Variants in NSRP1 observed in about 807,000 individuals in gnomAD.
NSRP1 encodes nuclear speckle splicing regulatory protein 1.
A neutral mutation model predicts 54.7 loss-of-function variants in NSRP1; 24 were observed. The observed-to-expected ratio is 0.44, with a 90% confidence interval of 0.32 to 0.62. The LOEUF (loss-of-function observed/expected upper bound fraction) is 0.62, where lower values mean the gene tolerates loss of function less well. NSRP1 is among the 20% of genes least tolerant of loss of function. The pLI, the probability that NSRP1 is intolerant of heterozygous loss-of-function variation, is 0.06. For synonymous variants in NSRP1, 210 were observed against 213.8 expected (o/e 0.98, Z 0.15); for missense variants, 596 against 651.2 (o/e 0.92, Z 0.92).
chr17:30,121,864 G>A (rs908751127), intron 2 of NSRP1, among the ~76,000 whole-genome samples: 5 of 152,050 alleles, frequency 3.3e-5, no homozygotes, highest in South Asian at 2.1e-4. Context: ...CGCCGCGCCC[G>A]GCCAATTCAC....
At chr17:30,136,857 C>T (rs117143618) in intron 2 of NSRP1, among the ~76,000 whole-genome samples, 1,826 of 152,206 alleles carry the variant, frequency 0.012, 19 homozygotes, top group Non-Finnish European at 0.019. Flanking sequence ...AGTAATTATA[C>T]ACACACACAT....
intron 2 of NSRP1, among the ~76,000 whole-genome samples, chr17:30,157,139 T>C (rs1904338119): frequency 6.6e-6 from 1 of 152,224 alleles, no homozygotes; most frequent in Non-Finnish European, 1.5e-5. Flanking sequence ...TTACTCTGCA[T>C]CCTTGCCAGC....
chr17:30,130,734 G>A (rs776713990), intron 2 of NSRP1, among the ~76,000 whole-genome samples: 6 of 152,128 alleles, frequency 3.9e-5, no homozygotes, highest in Non-Finnish European at 8.8e-5. Context: ...AACTCAATGT[G>A]TCTTGCTGCA....
chr17:30,176,608 C>CG (rs1213333239), intron 3 of NSRP1, among the ~76,000 whole-genome samples: 3 of 98,730 alleles, frequency 3.0e-5, no homozygotes, highest in South Asian at 3.9e-4. Flanking sequence ...AGACTTCGTC[C>CG]CCCCCCCCCC....
Position 30,178,139 on chromosome 17 carries a change from T to G in NSRP1, c.240T>G (p.Asp80Glu). 1 of 1,610,472 alleles carries G rather than the reference T, an allele frequency of 6.2e-7. No homozygotes were observed. The highest frequency in any genetic ancestry group is 2.2e-5 in the East Asian group (1 of 44,738). The change falls in exon 4 of 7, where the codon GAT (aspartate) becomes GAG (glutamate). Residue 80 changes from aspartate (D) to glutamate (E), a missense_variant. Coordinates refer to ENST00000247026, the MANE Select transcript of NSRP1 (RefSeq NM_032141.4). Reference sequence around the variant, plus strand: ...TGTATGAATATGACAGTATTTATGATGAAATGCAGAAAAAAAAGGAGGAAA... The same window carrying G: ...TGTATGAATATGACAGTATTTATGAGGAAATGCAGAAAAAAAAGGAGGAAA... ...ATVYEYDSIYDEMQKKKEENN... is the reference protein window; with the variant it reads ...ATVYEYDSIYEEMQKKKEENN...
rs955723656 is a variant in NSRP1 at position 30,130,555 on chromosome 17, G to C, written c.114+12382G>C. 2.1e-4 allele frequency among the ~76,000 whole-genome samples: 32 copies of C among 151,996 alleles called. 1 individual carries two copies. Among genetic ancestry groups the C allele is most frequent in the Non-Finnish European group, 1.5e-4 (10 of 68,020 alleles). On this transcript the variant is annotated intron_variant, in intron 2 of 6. Transcript: ENST00000247026. ...TTGTCACTTAAATATCTACTTGATT[G>C]GGTGTAATATTTCTACAATAACAAT...
In NSRP1 at chr17:30,179,280, G is replaced by C; in HGVS notation, c.491G>C (p.Arg164Thr). ...GCTGAAGAAGAAGAAAGAGAAAAGA[G>C]GGCTGCTGCACTGGAAGGTAAAATG... ...ERAEEEEREK[R>T]AAALEACLDV... is the part of the protein sequence containing the mutation. Residue 164 changes from arginine (R) to threonine (T), a missense_variant, in exon 5 of 7, where the codon AGG becomes ACG. Arg to Thr is a moderately conservative substitution (Grantham distance 71, BLOSUM62 -1). Coordinates refer to ENST00000247026, the MANE Select transcript of NSRP1 (RefSeq NM_032141.4). The C allele has an allele frequency of 6.3e-7, 1 of 1,581,404 alleles. No homozygotes were observed. Among genetic ancestry groups the C allele is most frequent in the South Asian group, 1.2e-5 (1 of 84,956 alleles).
chr17:30,185,518 A>G lies in NSRP1; in HGVS notation c.1521A>G (p.Gln507=). Residue 507 remains glutamine, a synonymous_variant, in exon 7 of 7, where the codon CAA becomes CAG. Transcript: ENST00000247026. ...AACACAGACTCACAGAGGAAGGGCA[A>G]GAGAAGGGTAAAGAACAAGAGAGAC... is the stretch of plus-strand genomic sequence containing the variant. The part of the protein sequence containing the change: ...GAKHRLTEEG[Q]EKGKEQERPP... 2.5e-6 allele frequency: 4 copies of G among 1,614,196 alleles called. No individual in the cohort carries two copies. The highest frequency in any genetic ancestry group is 3.4e-6 in the Non-Finnish European group (4 of 1,180,036).
At chr17:30,160,011 G>C (rs986085784) in intron 2 of NSRP1, among the ~76,000 whole-genome samples, 5 of 152,044 alleles carry the variant, frequency 3.3e-5, no homozygotes, top group African/African-American at 1.2e-4. Flanking sequence ...TATCATGAAG[G>C]GATGTTGAGT....
chr17:30,169,597 A>T (rs1192413243), intron 2 of NSRP1, among the ~76,000 whole-genome samples: 1 of 152,102 alleles, frequency 6.6e-6, no homozygotes, highest in Non-Finnish European at 1.5e-5. Context: ...AGAAATTTGG[A>T]TTAAATCAGT....
In NSRP1 at chr17:30,178,302, G is replaced by A. The variant is rs1597621720; in HGVS notation, c.300+103G>A. 6.1e-6 allele frequency: 8 copies of A among 1,311,320 alleles called. No individual in the cohort carries two copies. In the East Asian group the frequency reaches 1.9e-4, roughly 32 times the overall value. 81.2% of individuals were successfully genotyped at this position (1,311,320 alleles called of 1,614,324 possible). Reference sequence around the variant, plus strand: ...GATCTGAGAAAAAGCTTTTAGGTATGTGAGGTGTGAAGAGTCCCTAATTCC... The same window carrying A: ...GATCTGAGAAAAAGCTTTTAGGTATATGAGGTGTGAAGAGTCCCTAATTCC... On this transcript the variant is annotated intron_variant, in intron 4 of 6. Transcript: ENST00000247026.
At chr17:30,168,513 T>G (rs1904814766) in intron 2 of NSRP1, among the ~76,000 whole-genome samples, 1 of 150,894 alleles carries the variant, frequency 6.6e-6, no homozygotes, top group Non-Finnish European at 1.5e-5. Flanking sequence ...AATTACATAG[T>G]ATAATTATTA....
intron 2 of NSRP1, among the ~76,000 whole-genome samples, chr17:30,165,217 T>C (rs1023982732): frequency 4.6e-5 from 7 of 152,178 alleles, no homozygotes; most frequent in Admixed American, 3.9e-4. Flanking sequence ...GTGCAAGAAG[T>C]ATTGTGGTGA....
At chr17:30,137,200 A>G (rs1272835794) in intron 2 of NSRP1, among the ~76,000 whole-genome samples, 3 of 152,132 alleles carry the variant, frequency 2.0e-5, no homozygotes, top group African/African-American at 7.2e-5. Flanking sequence ...TCCTTTTTCA[A>G]ATTAAGGGAG....
intron 2 of NSRP1, among the ~76,000 whole-genome samples, chr17:30,167,347 A>G (rs1006408319): frequency 3.3e-5 from 5 of 152,236 alleles, no homozygotes; most frequent in Non-Finnish European, 4.4e-5. Context: ...ACGGTGGCTC[A>G]CATCTGTAAT....
At chr17:30,135,840 A>G (rs1032559191) in intron 2 of NSRP1, among the ~76,000 whole-genome samples, 1 of 152,150 alleles carries the variant, frequency 6.6e-6, no homozygotes, top group African/African-American at 2.4e-5. Context: ...CATATAGGTG[A>G]AATCCCTCTA....
rs754398878 is a variant in NSRP1, at chr17:30,185,413, C to T, written c.1416C>T (p.Ser472=). Reference sequence around the variant, plus strand: ...ATAAATTTCTTGACCAAGAAAGATCCAACAAAATGAGAAACATGGCAAAGG... The same window carrying T: ...ATAAATTTCTTGACCAAGAAAGATCTAACAAAATGAGAAACATGGCAAAGG... The part of the protein sequence containing the change: ...AKDKFLDQER[S]NKMRNMAKDK... Residue 472 remains serine (S), a synonymous_variant, in exon 7 of 7, where the codon TCC becomes TCT. Coordinates refer to ENST00000247026, the MANE Select transcript of NSRP1 (RefSeq NM_032141.4). The T allele has an allele frequency of 3.7e-6, 6 of 1,609,408 alleles. No individual in the cohort carries two copies. Among genetic ancestry groups the T allele is most frequent in the Non-Finnish European group, 4.2e-6 (5 of 1,179,016 alleles).
chr17:30,169,949 A>G (rs1904867230), intron 2 of NSRP1, among the ~76,000 whole-genome samples: 1 of 151,910 alleles, frequency 6.6e-6, no homozygotes, highest in Admixed American at 6.6e-5. Context: ...GTGTACATAT[A>G]TATATTTAAA....
intron 2 of NSRP1, among the ~76,000 whole-genome samples, chr17:30,172,014 T>TCTCACACACA (rs144705088): frequency 1.5e-5 from 2 of 131,056 alleles, no homozygotes; most frequent in Non-Finnish European, 3.2e-5. Context: ...TCTCTCTCTC[T>TCTCACACACA]CACATGTTCA....
Sources: gnomAD v4.1 joint callset for allele counts (sites outside exome capture counted in the v4.1 genomes callset) on GRCh38, gnomAD v4.1.1 for gene constraint, MANE v1.5 for transcripts, NCBI Gene and HGNC (gene_info 2026-07-23, HGNC 2026-07-21) for gene names.